Variants in CCDC85A observed in about 807,000 individuals in gnomAD.
The protein encoded by CCDC85A is coiled-coil domain-containing protein 85A.
Under a neutral mutation model 50.2 loss-of-function variants are expected in CCDC85A, and 38 were observed. The observed-to-expected ratio is 0.76, with a 90% CI of 0.58 to 0.99. CCDC85A has a LOEUF of 0.99. Among genes scored for constraint, CCDC85A ranks in the 50% least tolerant of loss-of-function variants. The pLI is 0.00. For synonymous variants in CCDC85A, 366 were observed against 301.4 expected (o/e 1.21, Z -2.22); for missense variants, 820 against 742.0 (o/e 1.11, Z -1.22).
intron 2 of CCDC85A, among the ~76,000 whole-genome samples, chr2:56,203,106 T>A (rs1288594784): frequency 6.6e-6 from 1 of 152,218 alleles, no homozygotes; most frequent in Non-Finnish European, 1.5e-5. Flanking sequence ...AGGGCAGTCC[T>A]CTTCACTGTT....
At chr2:56,355,107 C>T (rs1158001219) in intron 3 of CCDC85A, among the ~76,000 whole-genome samples, 1 of 152,200 alleles carries the variant, frequency 6.6e-6, no homozygotes, top group East Asian at 1.9e-4. Flanking sequence ...CCTTCCTGAG[C>T]CTGAGTTTGG....
intron 3 of CCDC85A, among the ~76,000 whole-genome samples, chr2:56,346,105 T>G (rs946066544): frequency 3.3e-5 from 5 of 152,228 alleles, no homozygotes; most frequent in Non-Finnish European, 7.3e-5. Context: ...AGACTAATTA[T>G]GTAAAGCACT....
chr2:56,342,367 C>T (rs1260467216), intron 2 of CCDC85A, among the ~76,000 whole-genome samples: 4 of 152,082 alleles, frequency 2.6e-5, no homozygotes, highest in Non-Finnish European at 5.9e-5. Context: ...TGTCTCAATT[C>T]TTAGTGATTA....
intron 2 of CCDC85A, among the ~76,000 whole-genome samples, chr2:56,275,382 G>A (rs1670884323): frequency 1.3e-5 from 2 of 152,160 alleles, no homozygotes; most frequent in African/African-American, 4.8e-5. Flanking sequence ...ATAGCTAGAA[G>A]TTAAAGTTAG....
At chr2:56,364,627 GAGTT>G (rs1489769428) in intron 3 of CCDC85A, among the ~76,000 whole-genome samples, 3 of 152,162 alleles carry the variant, frequency 2.0e-5, no homozygotes, top group African/African-American at 7.2e-5. Flanking sequence ...TCTGATGAAA[GAGTT>G]AGATCTATTA....
At chr2:56,290,129 G>A (rs1671635624) in intron 2 of CCDC85A, among the ~76,000 whole-genome samples, 1 of 152,066 alleles carries the variant, frequency 6.6e-6, no homozygotes, top group South Asian at 2.1e-4. Flanking sequence ...TCTTGCATCA[G>A]TGCTGACATT....
At chr2:56,246,471 T>C (rs1669515411) in intron 2 of CCDC85A, among the ~76,000 whole-genome samples, 1 of 152,168 alleles carries the variant, frequency 6.6e-6, no homozygotes, top group African/African-American at 2.4e-5. Flanking sequence ...TTTATGCCTA[T>C]GTTTTCTTCT....
At chr2:56,256,744 A>G (rs1021562934) in intron 2 of CCDC85A, among the ~76,000 whole-genome samples, 2 of 152,232 alleles carry the variant, frequency 1.3e-5, no homozygotes, top group Non-Finnish European at 2.9e-5. Flanking sequence ...TCTGAGTGGC[A>G]TGAATGACTG....
chr2:56,245,975 G>A (rs533641769), intron 2 of CCDC85A, among the ~76,000 whole-genome samples: 102 of 152,234 alleles, frequency 6.7e-4, no homozygotes, highest in African/African-American at 1.8e-3. Context: ...AGCTGAAAAC[G>A]TACTAAGACA....
At chr2:56,252,958 G>T (rs897106861) in intron 2 of CCDC85A, among the ~76,000 whole-genome samples, 2 of 152,090 alleles carry the variant, frequency 1.3e-5, no homozygotes, top group African/African-American at 4.8e-5. Flanking sequence ...GGCGGAGGTT[G>T]CAGTAAGCCA....
At chr2:56,252,659 A>G (rs1037470985) in intron 2 of CCDC85A, among the ~76,000 whole-genome samples, 2 of 152,094 alleles carry the variant, frequency 1.3e-5, no homozygotes, top group South Asian at 2.1e-4. Flanking sequence ...CGTCATCTAC[A>G]TTAGGTATTT....
intron 2 of CCDC85A, among the ~76,000 whole-genome samples, chr2:56,194,362 AT>A (rs1260753047): frequency 6.6e-6 from 1 of 152,238 alleles, no homozygotes; most frequent in Non-Finnish European, 1.5e-5. Context: ...TTCTTAAAGA[AT>A]AAAAAACAAA....
chr2:56,310,026 T>C (rs1435241063), intron 2 of CCDC85A, among the ~76,000 whole-genome samples: 1 of 152,180 alleles, frequency 6.6e-6, no homozygotes, highest in East Asian at 1.9e-4. Flanking sequence ...ACCATCACCT[T>C]TTACCTGTTT....
rs953926797 is a variant in CCDC85A, at chr2:56,184,553, C to A, written c.-72C>A. ...GCACAGGGGTGTGGGCGGAGGCGGC[C>A]TCGCCGCGCCCGCGCCTTCGGGAGT... is the stretch of plus-strand genomic sequence containing the variant. On this transcript the variant is annotated 5_prime_UTR_variant, in exon 1 of 6. Transcript: ENST00000407595. 6.6e-6 allele frequency: 9 copies of A among 1,354,050 alleles called. No individual in the cohort carries two copies. The South Asian group carries it at 1.6e-4, about 24-fold the overall frequency. The allele number at this position is 1,354,050 out of a possible 1,614,324, so 83.9% of individuals were successfully genotyped here. A position where few individuals can be genotyped will look rare whatever the true frequency, so the allele number is the denominator to read the frequency against.
At chr2:56,343,024 A>T in intron 3 of CCDC85A, 69 bp downstream of exon 3, 1 of 1,085,734 alleles carries the variant, frequency 9.2e-7, no homozygotes, top group East Asian at 2.6e-5. Context: ...TTGGAATTTA[A>T]AAGCTCAATG....
intron 2 of CCDC85A, among the ~76,000 whole-genome samples, chr2:56,298,167 T>C (rs1393307235): frequency 2.6e-5 from 4 of 152,152 alleles, no homozygotes; most frequent in Admixed American, 2.6e-4. Flanking sequence ...AAGGAGGTTT[T>C]TTCAGGTCAT....
At chr2:56,296,355 C>T (rs1231287350) in intron 2 of CCDC85A, among the ~76,000 whole-genome samples, 3 of 152,102 alleles carry the variant, frequency 2.0e-5, no homozygotes, top group African/African-American at 7.2e-5. Context: ...TATAACATAC[C>T]TACTGAAAAG....
At chr2:56,276,622 G>GGAAC (rs1342506561) in intron 2 of CCDC85A, among the ~76,000 whole-genome samples, 1 of 152,112 alleles carries the variant, frequency 6.6e-6, no homozygotes, top group Non-Finnish European at 1.5e-5. Flanking sequence ...CACCATGATT[G>GGAAC]TGAGGCCTCC....
intron 2 of CCDC85A, among the ~76,000 whole-genome samples, chr2:56,230,583 C>T (rs56265195): frequency 6.6e-6 from 1 of 152,104 alleles, no homozygotes; most frequent in East Asian, 1.9e-4. Context: ...TCACGTCTGC[C>T]CATGGCTGAT....
Sources: allele counts gnomAD v4.1 joint callset (sites outside exome capture counted in the v4.1 genomes callset), GRCh38; gene constraint gnomAD v4.1.1; transcripts MANE v1.5; gene names NCBI Gene and HGNC (gene_info 2026-07-23, HGNC 2026-07-21).